LRRC4C: variants seen among roughly 807,000 people sequenced by gnomAD.
The protein encoded by LRRC4C is leucine rich repeat containing 4C.
In LRRC4C, 5 loss-of-function variants were observed where a neutral mutation model predicts 33.6. That is an observed-to-expected ratio of 0.15 (90% CI 0.08 to 0.31). The LOEUF (loss-of-function observed/expected upper bound fraction) is 0.31, where lower values mean the gene tolerates loss of function less well. LRRC4C is among the 10% of genes least tolerant of loss of function. LRRC4C has a pLI of 1.00. For synonymous variants in LRRC4C, 329 were observed against 302.0 expected (o/e 1.09, Z -0.93); for missense variants, 560 against 796.7 (o/e 0.70, Z 3.58).
chr11:40,703,933 G>A (rs1183473771), intron 2 of LRRC4C, among the ~76,000 whole-genome samples: 2 of 152,160 alleles, frequency 1.3e-5, no homozygotes, highest in African/African-American at 4.8e-5. Context: ...AAGAATAATT[G>A]CATAGAAAAT....
intron 2 of LRRC4C, among the ~76,000 whole-genome samples, chr11:40,670,769 T>C (rs1944049826): frequency 3.3e-5 from 5 of 152,144 alleles, no homozygotes. Context: ...TGTTTGTTTT[T>C]GTTTTTGTTT....
intron 2 of LRRC4C, among the ~76,000 whole-genome samples, chr11:40,668,613 T>G (rs1943934917): frequency 6.6e-6 from 1 of 152,174 alleles, no homozygotes; most frequent in African/African-American, 2.4e-5. Context: ...TACTGATACC[T>G]GAGCAAAGCT....
At chr11:41,074,537 A>C (rs145884897) in intron 1 of LRRC4C, among the ~76,000 whole-genome samples, 449 of 152,320 alleles carry the variant, frequency 2.9e-3, no homozygotes, top group Non-Finnish European at 5.3e-3. Context: ...CATTTCTAGC[A>C]CTTACTCCTC....
intron 5 of LRRC4C, among the ~76,000 whole-genome samples, chr11:40,238,670 T>G (rs953750441): frequency 6.6e-6 from 1 of 152,210 alleles, no homozygotes; most frequent in African/African-American, 2.4e-5. Context: ...AAGAAAATTT[T>G]TATCACATGA....
intron 1 of LRRC4C, among the ~76,000 whole-genome samples, chr11:41,363,907 C>CTCAACATTAGTT (rs1565613913): frequency 1.3e-5 from 2 of 152,144 alleles, no homozygotes; most frequent in African/African-American, 4.8e-5. Context: ...CAACATTAGT[C>CTCAACATTAGTT]TCAATTAATC....
At chr11:40,331,476 A>T (rs1320740321) in intron 3 of LRRC4C, among the ~76,000 whole-genome samples, 3 of 152,204 alleles carry the variant, frequency 2.0e-5, no homozygotes, top group African/African-American at 7.2e-5. Context: ...ATTTATCTAT[A>T]AAAAAGAATG....
At chr11:40,126,787 C>A (rs919666201) in intron 6 of LRRC4C, among the ~76,000 whole-genome samples, 15 of 151,784 alleles carry the variant, frequency 9.9e-5, no homozygotes, top group African/African-American at 3.1e-4. Flanking sequence ...ATGGAGGAAC[C>A]CCATCTCTAC....
At chr11:40,460,078 A>C (rs1952320485) in intron 3 of LRRC4C, among the ~76,000 whole-genome samples, 4 of 152,142 alleles carry the variant, frequency 2.6e-5, no homozygotes, top group Admixed American at 2.6e-4. Flanking sequence ...ATTGAGAGTT[A>C]GACTATCCGG....
chr11:41,273,300 C>A (rs896758313), intron 1 of LRRC4C, among the ~76,000 whole-genome samples: 3 of 152,122 alleles, frequency 2.0e-5, no homozygotes, highest in Non-Finnish European at 4.4e-5. Context: ...GAATTGAAAT[C>A]AGGATTTCAG....
At chr11:41,064,786 G>T (rs1429428436) in intron 1 of LRRC4C, among the ~76,000 whole-genome samples, 1 of 152,232 alleles carries the variant, frequency 6.6e-6, no homozygotes, top group Non-Finnish European at 1.5e-5. Context: ...CAGAAGCAGG[G>T]TGGGGCATTG....
At position 40,389,602 on chromosome 11, in the gene LRRC4C, A is replaced by C. The variant is rs1949259843; in HGVS notation, c.-269-69881T>G. Among the ~76,000 whole-genome samples, 4 of 152,188 alleles carry C rather than the reference A, an allele frequency of 2.6e-5. No homozygotes were observed. The South Asian group carries it at 8.3e-4, about 32-fold the overall frequency. Reference sequence around the variant, plus strand: ...AAGAGAGAGAAGGATTTTAATTCCAAGTGGAGTAACATCTTACTTTAGGCT... The same window carrying C: ...AAGAGAGAGAAGGATTTTAATTCCACGTGGAGTAACATCTTACTTTAGGCT... On this transcript the variant is annotated intron_variant, in intron 3 of 6. Coordinates refer to ENST00000528697, the MANE Select transcript of LRRC4C (RefSeq NM_001258419.2).
chr11:41,194,475 G>A (rs1371841012), intron 1 of LRRC4C, among the ~76,000 whole-genome samples: 2 of 152,066 alleles, frequency 1.3e-5, no homozygotes, highest in Non-Finnish European at 2.9e-5. Flanking sequence ...AAGGTAACAA[G>A]ATGTACATCA....
chr11:40,902,055 TG>T (rs1956234223), intron 2 of LRRC4C, among the ~76,000 whole-genome samples: 1 of 150,506 alleles, frequency 6.6e-6, no homozygotes, highest in African/African-American at 2.4e-5. Flanking sequence ...CACCTCTTTT[TG>T]TTGAGCTTTG....
At chr11:40,983,095 T>G (rs537702157) in intron 1 of LRRC4C, among the ~76,000 whole-genome samples, 12 of 152,304 alleles carry the variant, frequency 7.9e-5, no homozygotes, top group African/African-American at 2.9e-4. Context: ...TTAGGTTGAT[T>G]CCCTGTCTTT....
At chr11:41,119,005 T>C (rs1942286157) in intron 1 of LRRC4C, among the ~76,000 whole-genome samples, 4 of 152,168 alleles carry the variant, frequency 2.6e-5, no homozygotes. Context: ...CAAATTTTTG[T>C]AAACAATACT....
intron 1 of LRRC4C, among the ~76,000 whole-genome samples, chr11:41,403,022 C>T (rs910653393): frequency 3.3e-5 from 5 of 152,026 alleles, no homozygotes; most frequent in African/African-American, 1.2e-4. Context: ...TAGTGTTCAA[C>T]AGCAAAGAAC....
At chr11:40,858,803 G>T (rs144712158) in intron 2 of LRRC4C, among the ~76,000 whole-genome samples, 55 of 149,800 alleles carry the variant, frequency 3.7e-4, no homozygotes, top group African/African-American at 1.4e-3. Context: ...GTGTCAAACC[G>T]AAAGCCTTAC....
At chr11:40,705,314 G>T (rs1369035791) in intron 2 of LRRC4C, among the ~76,000 whole-genome samples, 3 of 151,854 alleles carry the variant, frequency 2.0e-5, no homozygotes, top group Non-Finnish European at 2.9e-5. Context: ...CCATTAACTC[G>T]TCATTCACAT....
chr11:40,911,919 T>C (rs1024358674), intron 2 of LRRC4C, among the ~76,000 whole-genome samples: 1 of 152,160 alleles, frequency 6.6e-6, no homozygotes, highest in East Asian at 1.9e-4. Flanking sequence ...CAGTAGCCGA[T>C]TCAATCAACT....
Sources: allele counts gnomAD v4.1 joint callset (sites outside exome capture counted in the v4.1 genomes callset), GRCh38; gene constraint gnomAD v4.1.1; transcripts MANE v1.5; gene names NCBI Gene and HGNC (gene_info 2026-07-23, HGNC 2026-07-21).